TERT: variants seen among roughly 807,000 people sequenced by gnomAD.
TERT encodes telomerase catalytic subunit.
TERT carries 42 observed loss-of-function variants against 104.0 expected under a neutral mutation model. The ratio of observed to expected loss-of-function variants is 0.40; its 90% CI spans 0.32 to 0.52. The LOEUF (loss-of-function observed/expected upper bound fraction) is 0.52. Ranked by LOEUF, TERT falls within the 20% of genes least tolerant of loss-of-function variation. The pLI, the probability that TERT is intolerant of heterozygous loss-of-function variation, is 0.43. For synonymous variants in TERT, 781 were observed against 725.6 expected (o/e 1.08, Z -1.23); for missense variants, 1,101 against 1,610.3 (o/e 0.68, Z 5.41).
At chr5:1,254,272 C>T in intron 15 of TERT, 96 bp downstream of exon 15, 3 of 1,564,888 alleles carry the variant, frequency 1.9e-6, no homozygotes, top group Non-Finnish European at 2.6e-6. Flanking sequence ...GGGGCGTCTG[C>T]ACTTCAGCAG....
intron 2 of TERT, among the ~76,000 whole-genome samples, chr5:1,285,384 G>A (rs896826058): frequency 5.9e-5 from 9 of 151,612 alleles, no homozygotes; most frequent in Non-Finnish European, 1.2e-4. Flanking sequence ...AGATGGCCAC[G>A]CACGGGACCT....
rs36077395 is a variant in TERT at position 1,261,105 on chromosome 5, G to A, written c.2844-505C>T. ...GTGGCACACATGGTGTCTCCAGAGGGGCAGGATGGAGGCATCCCACCGATG... is the reference window on the plus strand; with the variant it reads ...GTGGCACACATGGTGTCTCCAGAGGAGCAGGATGGAGGCATCCCACCGATG... On this transcript the variant is annotated intron_variant, in intron 11 of 15. Transcript: ENST00000310581. The surrounding 1 kb of genome is among the most constrained non-coding windows in gnomAD (Gnocchi z 7.4). Among the ~76,000 whole-genome samples the A allele has an allele frequency of 0.011, 1,645 of 152,168 alleles. 16 individuals are homozygous for A. Among genetic ancestry groups the A allele is most frequent in the Non-Finnish European group, 0.017 (1,166 of 67,996 alleles).
chr5:1,280,102 T>C, intron 4 of TERT, 56 bp downstream of exon 4: 1 of 1,607,710 alleles, frequency 6.2e-7, no homozygotes, highest in East Asian at 2.2e-5. Flanking sequence ...TGATACCAAA[T>C]GTGGGGCTCA....
Position 1,268,858 on chromosome 5 carries a change from G to T in TERT, c.2469-225C>A, listed in dbSNP as rs932833021. 6.6e-6 allele frequency among the ~76,000 whole-genome samples: 1 copy of T among 152,178 alleles called. No homozygotes were observed. Among genetic ancestry groups the T allele is most frequent in the Non-Finnish European group, 1.5e-5 (1 of 68,040 alleles). Reference sequence around the variant, plus strand: ...GCGGCTGAAACAGATCCAGCCACAGGTGTGACCACATCCTTGCTCTGAATC... The same window carrying T: ...GCGGCTGAAACAGATCCAGCCACAGTTGTGACCACATCCTTGCTCTGAATC... On this transcript the variant is annotated intron_variant, in intron 8 of 15. Transcript: ENST00000310581. This position sits in a 1 kb window ranked among gnomAD's most constrained non-coding sequence, Gnocchi z 5.5.
In TERT at chr5:1,274,106, A is replaced by G. The variant is rs1333515401; in HGVS notation, c.2287-1826T>C. 6.6e-6 allele frequency among the ~76,000 whole-genome samples: 1 copy of G among 152,146 alleles called. No homozygotes were observed. The highest frequency in any genetic ancestry group is 1.5e-5 in the Non-Finnish European group (1 of 68,024). On this transcript the variant is annotated intron_variant, in intron 6 of 15. Coordinates refer to ENST00000310581, the MANE Select transcript of TERT (RefSeq NM_198253.3). The surrounding 1 kb of genome is among the most constrained non-coding windows in gnomAD (Gnocchi z 5.3). ...ACTAACACGGACACAGGAGGCCTCGAGCTTGTGAGGCATCAAAAGACGCGC... is the reference window on the plus strand; with the variant it reads ...ACTAACACGGACACAGGAGGCCTCGGGCTTGTGAGGCATCAAAAGACGCGC...
chr5:1,272,071 TC>T (rs1209757206), intron 7 of TERT, 113 bp downstream of exon 7: 16 of 920,938 alleles, frequency 1.7e-5, no homozygotes, highest in East Asian at 2.6e-5. Context: ...CACAGCTCAT[TC>T]CCCCCACTGC....
chr5:1,257,458 T>G lies in TERT; in HGVS notation c.3032+1140A>C, dbSNP rs958174564. The stretch of plus-strand genomic sequence containing the variant: ...CACCCCAAGGGTTTCCGGAAAGGAG[T>G]CAAGCAGCTTGCACGAGGGCCCAGG... On this transcript the variant is annotated intron_variant, in intron 13 of 15. Coordinates refer to ENST00000310581, the MANE Select transcript of TERT (RefSeq NM_198253.3). The surrounding 1 kb of genome is among the most constrained non-coding windows in gnomAD (Gnocchi z 5.6). Among the ~76,000 whole-genome samples, 3 of 151,006 alleles carry G rather than the reference T, an allele frequency of 2.0e-5. No homozygotes were observed. The highest frequency in any genetic ancestry group is 6.6e-5 in the Admixed American group (1 of 15,192).
At chr5:1,280,460 C>G (rs1339808151) in intron 3 of TERT, 122 bp from the exon 4 acceptor site, 2 of 1,124,040 alleles carry the variant, frequency 1.8e-6, no homozygotes, top group South Asian at 2.7e-5. Context: ...GCAGCACACG[C>G]TGAAGGCCAT....
intron 3 of TERT, among the ~76,000 whole-genome samples, chr5:1,281,027 G>A (rs984592953): frequency 2.0e-5 from 3 of 152,158 alleles, no homozygotes; most frequent in African/African-American, 7.2e-5. Flanking sequence ...GAAAAGGCAC[G>A]GTACCCTGTC....
At chr5:1,282,352 G>A (rs1750076276) in intron 3 of TERT, 77 bp downstream of exon 3, 7 of 1,492,608 alleles carry the variant, frequency 4.7e-6, no homozygotes, top group Non-Finnish European at 6.5e-6. Context: ...ACAGGCAAGT[G>A]GAGACAGGCG....
intron 6 of TERT, among the ~76,000 whole-genome samples, chr5:1,277,590 G>A (rs944960319): frequency 1.7e-5 from 2 of 117,266 alleles, no homozygotes; most frequent in African/African-American, 3.2e-5. Context: ...GGTAGCTTCC[G>A]CTGCAGCGGG....
rs1192516907 is a variant in TERT, at chr5:1,294,174, GC to G, written c.711del (p.Arg237SerfsTer114). 1 of 1,582,232 alleles carries G rather than the reference GC, an allele frequency of 6.3e-7. No homozygotes were observed. ...SASRSLPLPK[R>X]PRRGAAPEPE... is the part of the protein sequence containing the mutation. ...GGCTCAGGGGCAGCGCCACGCCTGG[GC>G]CTCTTGGGCAACGGCAGACTTCGGC... On this transcript the variant is annotated frameshift_variant, in exon 2 of 16. Coordinates refer to ENST00000310581, the MANE Select transcript of TERT (RefSeq NM_198253.3). LOFTEE classifies it high-confidence loss of function.
intron 1 of TERT, 32 bp from the exon 2 acceptor site, chr5:1,294,698 T>A (rs764298566): frequency 1.3e-5 from 20 of 1,584,316 alleles, no homozygotes; most frequent in Non-Finnish European, 1.2e-5. Context: ...TCGCCTGCGC[T>A]GCTCTCCGCA....
In TERT at chr5:1,256,062, G is replaced by A. The variant is rs1026541777; in HGVS notation, c.3033-651C>T. On this transcript the variant is annotated intron_variant, in intron 13 of 15. Coordinates refer to ENST00000310581, the MANE Select transcript of TERT (RefSeq NM_198253.3). This position sits in a 1 kb window ranked among gnomAD's most constrained non-coding sequence, Gnocchi z 7.0. ...CTCTCACTCTGTCACCCAGGCTGCA[G>A]TACAGTGGTGCAATCTCAGCTCACT... is the stretch of plus-strand genomic sequence containing the variant. Among the ~76,000 whole-genome samples the A allele has an allele frequency of 2.6e-5, 4 of 152,134 alleles. No individual in the cohort carries two copies. Among genetic ancestry groups the A allele is most frequent in the Non-Finnish European group, 5.9e-5 (4 of 68,024 alleles).
At chr5:1,277,448 C>T (rs907313554) in intron 6 of TERT, among the ~76,000 whole-genome samples, 6 of 152,328 alleles carry the variant, frequency 3.9e-5, no homozygotes, top group African/African-American at 1.4e-4. Flanking sequence ...ATGGACAGAA[C>T]GCACAGCTGA....
chr5:1,272,368 A>G, intron 6 of TERT, 88 bp from the exon 7 acceptor site: 1 of 1,174,210 alleles, frequency 8.5e-7, no homozygotes. Context: ...GGACGTGTGG[A>G]CCTGCGGCCA....
rs1268990058 is a variant in TERT, at chr5:1,257,230, G to A, written c.3032+1368C>T. Among the ~76,000 whole-genome samples the A allele has an allele frequency of 6.6e-6, 1 of 152,148 alleles. No individual in the cohort carries two copies. Among genetic ancestry groups the A allele is most frequent in the Non-Finnish European group, 1.5e-5 (1 of 68,016 alleles). ...GCTCCTCGGAGCTAGAGACCCTGGT[G>A]GGGAAATGAGGACAAGACTGAGCTG... is the stretch of plus-strand genomic sequence containing the variant. On this transcript the variant is annotated intron_variant, in intron 13 of 15. Coordinates refer to ENST00000310581, the MANE Select transcript of TERT (RefSeq NM_198253.3). The surrounding 1 kb of genome is among the most constrained non-coding windows in gnomAD (Gnocchi z 5.6).
At chr5:1,266,668 A>G in intron 9 of TERT, 133 bp from the exon 10 acceptor site, 1 of 815,034 alleles carries the variant, frequency 1.2e-6, no homozygotes, top group Non-Finnish European at 2.1e-6. Context: ...TTAAATGAAA[A>G]ACTTAAATTT....
intron 6 of TERT, among the ~76,000 whole-genome samples, chr5:1,275,080 G>A (rs1490685550): frequency 6.6e-6 from 1 of 152,220 alleles, no homozygotes; most frequent in Non-Finnish European, 1.5e-5. Context: ...GGAAGCTGCA[G>A]GAAGCGAGTC....
Sources: gnomAD v4.1 joint callset for allele counts (sites outside exome capture counted in the v4.1 genomes callset) on GRCh38, gnomAD v4.1.1 for gene constraint, Gnocchi (gnomAD v3.1) non-coding constraint, MANE v1.5 for transcripts, NCBI Gene and HGNC (gene_info 2026-07-23, HGNC 2026-07-21) for gene names.